The following CNTN5 variants were observed in gnomAD, a reference collection of about 807,000 sequenced individuals.
The protein encoded by CNTN5 is contactin-5.
Under a neutral mutation model 129.1 loss-of-function variants are expected in CNTN5, and 77 were observed. The observed-to-expected ratio is 0.60, with a 90% CI of 0.50 to 0.72. The LOEUF (loss-of-function observed/expected upper bound fraction) is 0.72. CNTN5 is among the 30% of genes least tolerant of loss of function. The pLI is 0.00. For missense variants in CNTN5, 1,478 were observed against 1,328.8 expected, an observed-to-expected ratio of 1.11 and a Z score of -1.75; for synonymous variants, 509 against 465.6, an observed-to-expected ratio of 1.09 and a Z score of -1.20.
intron 6 of CNTN5, among the ~76,000 whole-genome samples, chr11:99,914,250 G>A (rs1383469657): frequency 6.6e-6 from 1 of 151,916 alleles, no homozygotes; most frequent in African/African-American, 2.4e-5. Flanking sequence ...ATACATTAAA[G>A]TCCTGCCACA....
At chr11:99,924,215 G>A (rs150675640) in intron 7 of CNTN5, among the ~76,000 whole-genome samples, 65 of 152,206 alleles carry the variant, frequency 4.3e-4, no homozygotes, top group South Asian at 1.7e-3. Context: ...ATGGTTGCTG[G>A]CTGCTTGTAT....
chr11:99,865,386 T>C lies in CNTN5; in HGVS notation c.577+20124T>C, dbSNP rs558915481. On this transcript the variant is annotated intron_variant, in intron 6 of 24. Transcript: ENST00000524871. ...AGGAATCAGAAGAGGAATTCAAATA[T>C]ATGTGTAATATTATCTATTTTTAAA... is the stretch of plus-strand genomic sequence containing the variant. Among the ~76,000 whole-genome samples, 32 of 152,142 alleles carry C rather than the reference T, an allele frequency of 2.1e-4. 1 individual carries two copies. The highest frequency in any genetic ancestry group is 1.5e-3 in the Admixed American group (23 of 15,282).
At chr11:99,171,894 AC>A (rs1861165838) in intron 1 of CNTN5, among the ~76,000 whole-genome samples, 2 of 152,190 alleles carry the variant, frequency 1.3e-5, no homozygotes, top group African/African-American at 4.8e-5. Context: ...AATGAATAAT[AC>A]GCGAATTTCA....
chr11:99,246,583 G>A (rs917177012), intron 1 of CNTN5, among the ~76,000 whole-genome samples: 14 of 152,178 alleles, frequency 9.2e-5, no homozygotes, highest in Admixed American at 8.5e-4. Flanking sequence ...CAAAGGCTAT[G>A]TGCAGGATGA....
At chr11:99,723,892 G>T (rs10893791) in intron 3 of CNTN5, among the ~76,000 whole-genome samples, 15 of 151,916 alleles carry the variant, frequency 9.9e-5, no homozygotes, top group African/African-American at 2.7e-4. Context: ...CACATTCTAA[G>T]GGCCAGTTAG....
At chr11:99,263,330 T>C (rs1467484929) in intron 1 of CNTN5, among the ~76,000 whole-genome samples, 1 of 152,096 alleles carries the variant, frequency 6.6e-6, no homozygotes, top group Non-Finnish European at 1.5e-5. Context: ...TGATCAATGA[T>C]TGTGCATGTC....
At chr11:99,442,935 C>T (rs1223017467) in intron 2 of CNTN5, among the ~76,000 whole-genome samples, 1 of 152,198 alleles carries the variant, frequency 6.6e-6, no homozygotes, top group South Asian at 2.1e-4. Flanking sequence ...ATTGGCCAGA[C>T]TTATACATGT....
intron 2 of CNTN5, among the ~76,000 whole-genome samples, chr11:99,413,358 C>T (rs776795795): frequency 2.0e-5 from 3 of 152,152 alleles, no homozygotes; most frequent in Admixed American, 6.5e-5. Context: ...GGGGCTCAGG[C>T]CTGTAATCCC....
At chr11:99,762,103 G>A (rs1944602009) in intron 3 of CNTN5, among the ~76,000 whole-genome samples, 3 of 90,492 alleles carry the variant, frequency 3.3e-5, no homozygotes, top group African/African-American at 1.1e-4. Flanking sequence ...CCCACTTTTT[G>A]ATGGGGTTGT....
chr11:99,725,650 A>T (rs961346903), intron 3 of CNTN5, among the ~76,000 whole-genome samples: 1 of 152,162 alleles, frequency 6.6e-6, no homozygotes, highest in African/African-American at 2.4e-5. Context: ...CATTACTTCA[A>T]AAAAGATATT....
chr11:99,968,666 T>C (rs1019862280), intron 8 of CNTN5, among the ~76,000 whole-genome samples: 2 of 126,626 alleles, frequency 1.6e-5, no homozygotes, highest in Non-Finnish European at 3.3e-5. Flanking sequence ...CTTTTTTTTT[T>C]TTTTTTTTTT....
At chr11:99,205,886 C>T (rs1859455331) in intron 1 of CNTN5, among the ~76,000 whole-genome samples, 1 of 152,070 alleles carries the variant, frequency 6.6e-6, no homozygotes, top group Admixed American at 6.6e-5. Context: ...AATCTTGGCC[C>T]TTCTGAAAAC....
At chr11:99,157,483 T>A (rs1262058804) in intron 1 of CNTN5, among the ~76,000 whole-genome samples, 1 of 152,064 alleles carries the variant, frequency 6.6e-6, no homozygotes, top group Non-Finnish European at 1.5e-5. Flanking sequence ...GGTATACACA[T>A]GTGCAGCAGA....
intron 9 of CNTN5, among the ~76,000 whole-genome samples, chr11:100,033,949 C>T (rs1476554546): frequency 6.6e-6 from 1 of 152,128 alleles, no homozygotes; most frequent in Non-Finnish European, 1.5e-5. Flanking sequence ...TCCTTCTTTC[C>T]TCAACTCATT....
intron 3 of CNTN5, among the ~76,000 whole-genome samples, chr11:99,729,348 A>G (rs1432192311): frequency 2.6e-5 from 4 of 152,130 alleles, no homozygotes; most frequent in Non-Finnish European, 5.9e-5. Flanking sequence ...GGTTTGTTAT[A>G]TAGGTAAACT....
intron 9 of CNTN5, among the ~76,000 whole-genome samples, chr11:100,055,520 C>CT (rs1467007872): frequency 6.6e-6 from 1 of 151,338 alleles, no homozygotes; most frequent in African/African-American, 2.4e-5. Context: ...TCTTTATCTC[C>CT]TTTTTCACTC....
At position 100,050,488 on chromosome 11, in the gene CNTN5, G is replaced by C. The variant is rs550992968; in HGVS notation, c.981-10724G>C. 9.2e-5 allele frequency among the ~76,000 whole-genome samples: 14 copies of C among 152,068 alleles called. No homozygotes were observed. In the East Asian group the frequency reaches 2.5e-3, roughly 27 times the overall value. On this transcript the variant is annotated intron_variant, in intron 9 of 24. Coordinates refer to ENST00000524871, the MANE Select transcript of CNTN5 (RefSeq NM_014361.4). ...TGGGGACTGTTGTGGGGTGGGGAGAGGGGGGAGGGATAGCTTTAGGAGATA... is the reference window on the plus strand; with the variant it reads ...TGGGGACTGTTGTGGGGTGGGGAGACGGGGGAGGGATAGCTTTAGGAGATA...
In CNTN5 at chr11:99,808,230, G is replaced by A. The variant is rs115696735; in HGVS notation, c.56-11314G>A. The stretch of plus-strand genomic sequence containing the variant: ...AATATTGTGCAAATACTATGGATGA[G>A]GCAAATGTGTGGACACTGATGATGA... On this transcript the variant is annotated intron_variant, in intron 3 of 24. Coordinates refer to ENST00000524871, the MANE Select transcript of CNTN5 (RefSeq NM_014361.4). Among the ~76,000 whole-genome samples the A allele has an allele frequency of 4.7e-3, 723 of 152,258 alleles. 10 individuals carry two copies. The highest frequency in any genetic ancestry group is 0.014 in the African/African-American group (580 of 41,558).
rs527794617 is a variant in CNTN5 at position 99,443,863 on chromosome 11, G to A, written c.-70-112282G>A. 6.6e-5 allele frequency among the ~76,000 whole-genome samples: 10 copies of A among 152,278 alleles called. No individual in the cohort carries two copies. The South Asian group carries it at 2.1e-3, about 32-fold the overall frequency. On this transcript the variant is annotated intron_variant, in intron 2 of 24. Transcript: ENST00000524871. ...TATGATTTGGAACACAAAGAAGCAG[G>A]ACTATTTTTGAATCTTTTCTATTGA...
Sources: gnomAD v4.1 joint callset for allele counts (sites outside exome capture counted in the v4.1 genomes callset) on GRCh38, gnomAD v4.1.1 for gene constraint, MANE v1.5 for transcripts, NCBI Gene and HGNC (gene_info 2026-07-23, HGNC 2026-07-21) for gene names.